Variants in C8A observed in about 807,000 individuals in gnomAD.
C8A encodes complement C8 alpha chain.
Under a neutral mutation model 65.3 loss-of-function variants are expected in C8A, and 67 were observed. The ratio of observed to expected loss-of-function variants is 1.03; its 90% CI spans 0.84 to 1.26. C8A has a LOEUF of 1.26. Ranked by LOEUF, C8A falls within the 50% of genes most tolerant of loss-of-function variation. The pLI, the probability that C8A is intolerant of heterozygous loss-of-function variation, is 0.00. For synonymous variants in C8A, 290 were observed against 259.4 expected, an observed-to-expected ratio of 1.12 and a Z score of -1.13; for missense variants, 781 against 723.9, an observed-to-expected ratio of 1.08 and a Z score of -0.90.
intron 2 of C8A, among the ~76,000 whole-genome samples, chr1:56,872,347 G>A (rs1035634026): frequency 6.6e-6 from 1 of 152,154 alleles, no homozygotes; most frequent in African/African-American, 2.4e-5. Context: ...TTCTCATTAT[G>A]ACATTGACTG....
chr1:56,915,233 C>T (rs1644541487), intron 10 of C8A, among the ~76,000 whole-genome samples: 2 of 152,134 alleles, frequency 1.3e-5, no homozygotes, highest in South Asian at 4.2e-4. Context: ...AGTGAGCTGC[C>T]TGTGTCCTGT....
At chr1:56,883,210 G>T (rs1435166192) in intron 5 of C8A, among the ~76,000 whole-genome samples, 1 of 143,542 alleles carries the variant, frequency 7.0e-6, no homozygotes, top group African/African-American at 2.5e-5. Context: ...CATTTGATCA[G>T]AATCATCTGC....
rs781576042 is a variant in C8A, at chr1:56,908,027, G to A, written c.1294G>A (p.Gly432Ser). The A allele has an allele frequency of 2.7e-5, 44 of 1,613,976 alleles. No homozygotes were observed. Among genetic ancestry groups the A allele is most frequent in the Admixed American group, 2.0e-4 (12 of 59,996 alleles). Reference protein sequence around the residue: ...RVRGGSSGWSGGLAQNRSTIT... With the variant: ...RVRGGSSGWSSGLAQNRSTIT... Reference sequence around the variant, plus strand: ...GCGAGGTGGCAGTTCTGGCTGGAGCGGTGGCTTGGCACAGAACAGGAGCAC... The same window carrying A: ...GCGAGGTGGCAGTTCTGGCTGGAGCAGTGGCTTGGCACAGAACAGGAGCAC... Residue 432 changes from glycine to serine, a missense_variant, in exon 9 of 11, where the codon GGT becomes AGT. Gly to Ser is a moderately conservative substitution (Grantham distance 56). Transcript: ENST00000361249.
chr1:56,892,101 C>A (rs1248534354), intron 7 of C8A, among the ~76,000 whole-genome samples: 5 of 152,028 alleles, frequency 3.3e-5, no homozygotes, highest in Admixed American at 2.6e-4. Flanking sequence ...CATCTAGAGT[C>A]TTCTTTCTTC....
At chr1:56,907,414 T>G (rs1176162672) in intron 8 of C8A, among the ~76,000 whole-genome samples, 1 of 152,184 alleles carries the variant, frequency 6.6e-6, no homozygotes, top group Non-Finnish European at 1.5e-5. Context: ...CTCAGGGCCT[T>G]AAGTCAAATT....
At chr1:56,887,469 T>C (rs185122787) in intron 7 of C8A, among the ~76,000 whole-genome samples, 1 of 152,322 alleles carries the variant, frequency 6.6e-6, no homozygotes, top group East Asian at 1.9e-4. Flanking sequence ...GATGAGCTTT[T>C]TTTCATATGC....
At chr1:56,886,675 T>TA (rs1227989990) in intron 7 of C8A, among the ~76,000 whole-genome samples, 2 of 152,188 alleles carry the variant, frequency 1.3e-5, no homozygotes, top group Non-Finnish European at 2.9e-5. Context: ...TTTCCCTTGT[T>TA]ACTGCATCAG....
chr1:56,862,242 T>C (rs1644041422), intron 1 of C8A, among the ~76,000 whole-genome samples: 2 of 152,228 alleles, frequency 1.3e-5, no homozygotes, highest in Non-Finnish European at 2.9e-5. Flanking sequence ...TTTATAGCTA[T>C]AAGAAAATTG....
chr1:56,885,798 C>T, intron 6 of C8A, 129 bp from the exon 7 acceptor site: 5 of 1,259,756 alleles, frequency 4.0e-6, no homozygotes, highest in Admixed American at 1.8e-5. Flanking sequence ...GATCCTCCAG[C>T]TTCTGCCTCC....
At position 56,915,903 on chromosome 1, in the gene C8A, G is replaced by A. The variant is rs536809959; in HGVS notation, c.1604-1662G>A. Reference sequence around the variant, plus strand: ...GTATCATTTTGGGGAGTGGAAAGTGGGGTATGTACCAGTTCATGGTTATCA... The same window carrying A: ...GTATCATTTTGGGGAGTGGAAAGTGAGGTATGTACCAGTTCATGGTTATCA... On this transcript the variant is annotated intron_variant, in intron 10 of 10. Coordinates refer to ENST00000361249, the MANE Select transcript of C8A (RefSeq NM_000562.3). Among the ~76,000 whole-genome samples the A allele has an allele frequency of 5.3e-5, 8 of 152,306 alleles. No homozygotes were observed. In the South Asian group the frequency reaches 1.7e-3, roughly 32 times the overall value.
chr1:56,897,663 C>T lies in C8A; in HGVS notation c.1097-9004C>T, dbSNP rs78495267. 4.4e-3 allele frequency among the ~76,000 whole-genome samples: 676 copies of T among 152,258 alleles called. 9 individuals carry two copies. The highest frequency in any genetic ancestry group is 0.015 in the African/African-American group (643 of 41,550). On this transcript the variant is annotated intron_variant, in intron 7 of 10. Transcript: ENST00000361249. The stretch of plus-strand genomic sequence containing the variant: ...ATCAAAGTCCCTTAAATTACCATCA[C>T]ATTTATATATCATGGCTGGTTGTTT...
intron 8 of C8A, among the ~76,000 whole-genome samples, chr1:56,907,387 C>T (rs1375674171): frequency 2.0e-5 from 3 of 152,144 alleles, no homozygotes; most frequent in Non-Finnish European, 4.4e-5. Context: ...ATTCCTATTG[C>T]ATTAGGTTAC....
At chr1:56,913,236 T>A (rs1644524172) in intron 10 of C8A, among the ~76,000 whole-genome samples, 2 of 152,344 alleles carry the variant, frequency 1.3e-5, no homozygotes, top group South Asian at 4.1e-4. Flanking sequence ...TAATGTGATT[T>A]CATCTGCAAA....
Position 56,881,632 on chromosome 1 carries a change from G to A in C8A, c.652G>A (p.Glu218Lys). 6.2e-7 allele frequency: 1 copy of A among 1,612,806 alleles called. No homozygotes were observed. The highest frequency in any genetic ancestry group is 2.2e-5 in the East Asian group (1 of 44,860). ...CTACAACTTTCTGAAGTACCACTTT[G>A]AAGTAAGTCTGAACAGAGGGGCTCT... The part of the protein sequence containing the change: ...KPYNFLKYHF[E>K]ALADTGISSE... The change falls in exon 5 of 11, where the codon GAA becomes AAA. Residue 218 changes from glutamate (E) to lysine (K), a missense_variant and splice_region_variant. Transcript: ENST00000361249.
intron 7 of C8A, among the ~76,000 whole-genome samples, chr1:56,899,588 C>T (rs1410984667): frequency 6.6e-6 from 1 of 152,126 alleles, no homozygotes; most frequent in Non-Finnish European, 1.5e-5. Flanking sequence ...CCTTGTCCTC[C>T]CCACTCGCTC....
chr1:56,883,229 G>A (rs901326051), intron 5 of C8A, among the ~76,000 whole-genome samples: 4 of 151,966 alleles, frequency 2.6e-5, no homozygotes, highest in African/African-American at 9.7e-5. Context: ...GCATCTGTGT[G>A]TGTGTGTGTG....
At chr1:56,869,501 T>C (rs1644122293) in intron 2 of C8A, among the ~76,000 whole-genome samples, 1 of 152,216 alleles carries the variant, frequency 6.6e-6, no homozygotes, top group Non-Finnish European at 1.5e-5. Context: ...CTCTTTTGTA[T>C]ATAATGACCT....
chr1:56,873,303 C>T (rs983875974), intron 2 of C8A, among the ~76,000 whole-genome samples: 1 of 152,182 alleles, frequency 6.6e-6, no homozygotes, highest in Non-Finnish European at 1.5e-5. Flanking sequence ...AGAAACAGGG[C>T]TGGGGGCTTC....
At chr1:56,903,545 T>C (rs1206352301) in intron 7 of C8A, among the ~76,000 whole-genome samples, 1 of 152,222 alleles carries the variant, frequency 6.6e-6, no homozygotes, top group Admixed American at 6.5e-5. Flanking sequence ...ACCCAGCCTT[T>C]TGAGACCTTT....
Sources: gnomAD v4.1 joint callset for allele counts (sites outside exome capture counted in the v4.1 genomes callset) on GRCh38, gnomAD v4.1.1 for gene constraint, MANE v1.5 for transcripts, NCBI Gene and HGNC (gene_info 2026-07-23, HGNC 2026-07-21) for gene names.